ATAD3C: variants seen among roughly 807,000 people sequenced by gnomAD.
The protein encoded by ATAD3C is ATPase family AAA domain containing 3C.
Under a neutral mutation model 46.3 loss-of-function variants are expected in ATAD3C, and 38 were observed. That is an observed-to-expected ratio of 0.82 (90% CI 0.63 to 1.08). The LOEUF (loss-of-function observed/expected upper bound fraction) is 1.08. Ranked by LOEUF, ATAD3C falls within the 50% of genes least tolerant of loss-of-function variation. The pLI, the probability that ATAD3C is intolerant of heterozygous loss-of-function variation, is 0.00. For synonymous variants in ATAD3C, 220 were observed against 236.4 expected, an observed-to-expected ratio of 0.93 and a Z score of 0.63; for missense variants, 563 against 572.7, an observed-to-expected ratio of 0.98 and a Z score of 0.17.
chr1:1,450,687 T>A lies in ATAD3C; in HGVS notation c.4T>A (p.Ser2Thr). MSKDALNLAQMQ... is the reference protein window; with the variant it reads MTKDALNLAQMQ... ...CGTGTCCCTGCATCTGCAGGCCATG[T>A]CAAAGGACGCCCTGAATCTGGCGCA... Residue 2 changes from serine to threonine, a missense_variant, in exon 1 of 12, where the codon TCA becomes ACA. Ser to Thr is a moderately conservative substitution (Grantham distance 58). Transcript: ENST00000378785. The A allele has an allele frequency of 1.2e-6, 2 of 1,612,442 alleles. No homozygotes were observed. Among genetic ancestry groups the A allele is most frequent in the Non-Finnish European group, 1.7e-6 (2 of 1,179,138 alleles).
At chr1:1,453,939 C>G (rs754395769) in intron 3 of ATAD3C, among the ~76,000 whole-genome samples, 1 of 151,986 alleles carries the variant, frequency 6.6e-6, no homozygotes, top group Non-Finnish European at 1.5e-5. Context: ...CTGTGCCCAG[C>G]CGGCCTAATT....
Position 1,462,229 on chromosome 1 carries a change from G to A in ATAD3C, c.981-371G>A, listed in dbSNP as rs940300060. Among the ~76,000 whole-genome samples the A allele has an allele frequency of 2.6e-5, 4 of 151,982 alleles. No individual in the cohort carries two copies. Among genetic ancestry groups the A allele is most frequent in the South Asian group, 2.1e-4 (1 of 4,820 alleles). On this transcript the variant is annotated intron_variant, in intron 10 of 11. Transcript: ENST00000378785. This position sits in a 1 kb window ranked among gnomAD's most constrained non-coding sequence, Gnocchi z 4.5. Reference sequence around the variant, plus strand: ...TGCCCTCCCCTTCCCTGGGCTCCCCGACACCCATGGCTGCTCGTAGCTCTG... The same window carrying A: ...TGCCCTCCCCTTCCCTGGGCTCCCCAACACCCATGGCTGCTCGTAGCTCTG...
In ATAD3C at chr1:1,460,760, A is replaced by C. The variant is rs1639043196; in HGVS notation, c.823A>C (p.Ile275Leu). 1 of 1,607,582 alleles carries C rather than the reference A, an allele frequency of 6.2e-7. No individual in the cohort carries two copies. The highest frequency in any genetic ancestry group is 8.5e-7 in the Non-Finnish European group (1 of 1,176,766). The part of the protein sequence containing the change: ...TGQHSNKFML[I>L]LASCHPEQFD... ...ATCCCCGCCCCGCAGATTCATGCTG[A>C]TCCTGGCCAGCTGCCACCCCGAGCA... Residue 275 changes from isoleucine (I) to leucine (L), a missense_variant, in exon 10 of 12, where the codon ATC (isoleucine) becomes CTC (leucine). Around this residue, in one of 3 missense-constraint regions of ATAD3C, gnomAD observed 273 missense variants for 253.5 expected, o/e 1.08. Coordinates refer to ENST00000378785, the MANE Select transcript of ATAD3C (RefSeq NM_001039211.3).
At chr1:1,461,640 T>G (rs546134400) in intron 10 of ATAD3C, among the ~76,000 whole-genome samples, 2 of 150,324 alleles carry the variant, frequency 1.3e-5, no homozygotes, top group Non-Finnish European at 3.0e-5. Context: ...GAGACCCCCA[T>G]GTAGGGACTG....
At chr1:1,455,043 A>C (rs1278973928) in intron 4 of ATAD3C, among the ~76,000 whole-genome samples, 1 of 150,472 alleles carries the variant, frequency 6.6e-6, no homozygotes, top group Admixed American at 6.6e-5. Context: ...GTGAAACCCC[A>C]TCTCTACTAA....
Position 1,450,231 on chromosome 1 carries a change from A to C in ATAD3C, c.-453A>C, listed in dbSNP as rs1004234801. 2 of 156,836 alleles carry C rather than the reference A, an allele frequency of 1.3e-5. No individual in the cohort carries two copies. Among genetic ancestry groups the C allele is most frequent in the African/African-American group, 4.9e-5 (2 of 41,100 alleles). 9.7% of individuals were successfully genotyped at this position (156,836 alleles called of 1,614,324 possible). ...TCCCAGCTACTCGGGAGGCTGAGGC[A>C]GGAGAGTGACGTGAACCCGAGAGGT... On this transcript the variant is annotated 5_prime_UTR_variant, in exon 1 of 12. Transcript: ENST00000378785.
chr1:1,452,090 G>T lies in ATAD3C; in HGVS notation c.120G>T (p.Gln40His). 1 of 1,613,674 alleles carries T rather than the reference G, an allele frequency of 6.2e-7. No homozygotes were observed. Among genetic ancestry groups the T allele is most frequent in the Admixed American group, 1.7e-5 (1 of 59,982 alleles). ...TACGGAAGCAGGAGGAGTCCGTGCA[G>T]AAGCACCATCAGACCTTCTTGGAGT... ...EDLRKQEESV[Q>H]KHHQTFLESI... Residue 40 changes from glutamine to histidine, a missense_variant, in exon 2 of 12, where the codon CAG becomes CAT. This residue lies in a region of ATAD3C where 263 missense variants were observed against 243.1 expected (regional missense o/e 1.08). Transcript: ENST00000378785.
rs1344027878 is a variant in ATAD3C at position 1,450,050 on chromosome 1, C to T, written c.-634C>T. On this transcript the variant is annotated 5_prime_UTR_variant, in exon 1 of 12. Coordinates refer to ENST00000378785, the MANE Select transcript of ATAD3C (RefSeq NM_001039211.3). ...GGAAGCTTAGGAAAAGGGTATGTGC[C>T]GGGCGCGGTGGCTCACACCTGTAAT... The T allele has an allele frequency of 2.6e-5, 4 of 151,984 alleles. No homozygotes were observed. Among genetic ancestry groups the T allele is most frequent in the South Asian group, 2.1e-4 (1 of 4,802 alleles). The allele number at this position is 151,984 out of a possible 1,614,324, so 9.4% of individuals were successfully genotyped here.
chr1:1,454,416 C>T lies in ATAD3C; in HGVS notation c.294C>T (p.Tyr98=). ...AKNATAVTGR[Y]IEARLGKPSL... is the part of the protein sequence containing the mutation. The stretch of plus-strand genomic sequence containing the variant: ...ATGCGACAGCCGTCACTGGCCGCTA[C>T]ATCGAGGCTCGGCTGGGGAAGCCGT... Residue 98 remains tyrosine, a synonymous_variant, in exon 4 of 12, where the codon TAC becomes TAT. Transcript: ENST00000378785. The T allele has an allele frequency of 6.2e-7, 1 of 1,609,068 alleles. No individual in the cohort carries two copies.
Position 1,450,345 on chromosome 1 carries a change from T to C in ATAD3C, c.-339T>C, listed in dbSNP as rs974448617. 23 of 235,484 alleles carry C rather than the reference T, an allele frequency of 9.8e-5. No individual in the cohort carries two copies. Among genetic ancestry groups the C allele is most frequent in the Non-Finnish European group, 1.6e-4 (19 of 119,604 alleles). 14.6% of individuals were successfully genotyped at this position (235,484 alleles called of 1,614,324 possible). A position where few individuals can be genotyped will look rare whatever the true frequency, so the allele number is the denominator to read the frequency against. On this transcript the variant is annotated 5_prime_UTR_variant, in exon 1 of 12. The change abolishes an upstream ATG in the 5' untranslated region. Transcript: ENST00000378785. ...CTCAAAAAAAAAAAAAAAAAAAGCA[T>C]GTGTAACGTGAAAAAATGGACACTT...
chr1:1,455,059 T>C lies in ATAD3C; in HGVS notation c.379-401T>C, dbSNP rs537811310. 5.9e-3 allele frequency among the ~76,000 whole-genome samples: 876 copies of C among 149,104 alleles called. 17 individuals are homozygous for C. The highest frequency in any genetic ancestry group is 0.021 in the African/African-American group (834 of 40,640). On this transcript the variant is annotated intron_variant, in intron 4 of 11. Coordinates refer to ENST00000378785, the MANE Select transcript of ATAD3C (RefSeq NM_001039211.3). ...TGAAACCCCATCTCTACTAAAAAAATACAAAAAATTAGCCGGGCGTGGTGG... is the reference window on the plus strand; with the variant it reads ...TGAAACCCCATCTCTACTAAAAAAACACAAAAAATTAGCCGGGCGTGGTGG...
In ATAD3C at chr1:1,455,506, G is replaced by C. The variant is rs542001681; in HGVS notation, c.425G>C (p.Gly142Ala). Residue 142 changes from glycine to alanine, a missense_variant, in exon 5 of 12, where the codon GGT becomes GCT. This residue lies in a region of ATAD3C where 263 missense variants were observed against 243.1 expected (regional missense o/e 1.08). Coordinates refer to ENST00000378785, the MANE Select transcript of ATAD3C (RefSeq NM_001039211.3). ...AGTCGACCCCAGGACGTGCTGGAGG[G>C]TGTTGTGCTTAGTGTAAGTCGGTGT... ...LLSRPQDVLE[G>A]VVLSPSLEAR... The C allele has an allele frequency of 7.2e-5, 116 of 1,612,604 alleles. 1 individual carries two copies. The African/African-American group carries it at 1.3e-3, about 18-fold the overall frequency.
At chr1:1,451,598 G>A (rs979520824) in intron 1 of ATAD3C, among the ~76,000 whole-genome samples, 4 of 151,432 alleles carry the variant, frequency 2.6e-5, no homozygotes, top group Admixed American at 2.0e-4. Context: ...CACCTGCGTC[G>A]GCCTCCCAAA....
intron 7 of ATAD3C, among the ~76,000 whole-genome samples, chr1:1,456,658 C>T (rs1009094995): frequency 2.0e-5 from 3 of 151,270 alleles, no homozygotes; most frequent in African/African-American, 7.3e-5. Context: ...AGCCGCCCTC[C>T]CCCCAACACG....
chr1:1,468,182 A>G (rs1639174967), intron 11 of ATAD3C, among the ~76,000 whole-genome samples: 3 of 152,232 alleles, frequency 2.0e-5, no homozygotes, highest in African/African-American at 7.2e-5. Flanking sequence ...CTGAGGACGC[A>G]GGCAGGGCTG....
At chr1:1,457,051 C>T (rs1360157078) in intron 7 of ATAD3C, 78 bp from the exon 8 acceptor site, 1 of 1,595,458 alleles carries the variant, frequency 6.3e-7, no homozygotes, top group African/African-American at 1.3e-5. Flanking sequence ...GCTTGGCCTG[C>T]TCCTGCCATG....
intron 3 of ATAD3C, 88 bp from the exon 4 acceptor site, chr1:1,454,257 G>C (rs1045179509): frequency 3.3e-6 from 5 of 1,493,752 alleles, no homozygotes; most frequent in Non-Finnish European, 4.5e-6. Flanking sequence ...CTCAGGCGGA[G>C]AGAGGGTGGG....
At chr1:1,460,665 C>T in intron 9 of ATAD3C, 85 bp from the exon 10 acceptor site, 1 of 1,442,914 alleles carries the variant, frequency 6.9e-7, no homozygotes, top group Non-Finnish European at 9.1e-7. Context: ...AGAAAGTCTT[C>T]CTGAGGGGGC....
chr1:1,457,156 C>T lies in ATAD3C; in HGVS notation c.717C>T (p.Asp239=), dbSNP rs745838430. ...TCCTGCTCTTTGTGGATGAAGCGGA[C>T]GCCTTCCTTCGGAAGCGAGCCACTG... The part of the protein sequence containing the change: ...RGLLLFVDEA[D]AFLRKRATEK... Residue 239 remains aspartate, a synonymous_variant, in exon 8 of 12, where the codon GAC becomes GAT. Transcript: ENST00000378785. The T allele has an allele frequency of 1.9e-5, 30 of 1,613,378 alleles. No individual in the cohort carries two copies. Among genetic ancestry groups the T allele is most frequent in the East Asian group, 1.6e-4 (7 of 44,888 alleles).
Sources: allele counts gnomAD v4.1 joint callset (sites outside exome capture counted in the v4.1 genomes callset), GRCh38; gene constraint gnomAD v4.1.1; regional missense constraint gnomAD v4.1.1; non-coding constraint Gnocchi (gnomAD v3.1); transcripts MANE v1.5; gene names NCBI Gene and HGNC (gene_info 2026-07-23, HGNC 2026-07-21).